ESRRG: variants seen among roughly 807,000 people sequenced by gnomAD.
ESRRG encodes the protein estrogen-related receptor gamma.
A neutral mutation model predicts 44.0 loss-of-function variants in ESRRG; 13 were observed. The ratio of observed to expected loss-of-function variants is 0.30; its 90% CI spans 0.19 to 0.47. The LOEUF is 0.47. ESRRG is among the 20% of genes least tolerant of loss of function. The probability of loss-of-function intolerance (pLI) is 1.00; values close to 1 mark genes in which losing one functional copy is unlikely to be tolerated. For synonymous variants in ESRRG, 215 were observed against 214.6 expected (o/e 1.00, Z -0.02); for missense variants, 395 against 580.6 (o/e 0.68, Z 3.29).
chr1:216,877,772 T>G (rs2096380881), intron 2 of ESRRG, among the ~76,000 whole-genome samples: 1 of 152,272 alleles, frequency 6.6e-6, no homozygotes, highest in Non-Finnish European at 1.5e-5. Flanking sequence ...TGTAATCCAT[T>G]ATGTTTCCTT....
At chr1:217,008,914 C>T (rs2078141021) in intron 1 of ESRRG, among the ~76,000 whole-genome samples, 1 of 152,162 alleles carries the variant, frequency 6.6e-6, no homozygotes. Context: ...ACTGAAGAAA[C>T]ACCATCTTGA....
At chr1:216,689,847 A>G (rs554054228) in intron 1 of ESRRG, among the ~76,000 whole-genome samples, 21 of 150,926 alleles carry the variant, frequency 1.4e-4, no homozygotes, top group African/African-American at 5.2e-4. Flanking sequence ...GCTAATTCTG[A>G]TATCTCTAAA....
intron 1 of ESRRG, among the ~76,000 whole-genome samples, chr1:217,037,960 C>T (rs1018740164): frequency 2.6e-5 from 4 of 152,194 alleles, no homozygotes; most frequent in Non-Finnish European, 4.4e-5. Context: ...ACATCCAGGT[C>T]ATGCTGATGC....
intron 5 of ESRRG, among the ~76,000 whole-genome samples, chr1:216,537,762 TC>T (rs2051426749): frequency 1.3e-5 from 2 of 152,048 alleles, no homozygotes; most frequent in Admixed American, 1.3e-4. Flanking sequence ...AACACATTAT[TC>T]TCTTTGCCAC....
intron 1 of ESRRG, among the ~76,000 whole-genome samples, chr1:216,987,247 C>T (rs936786557): frequency 1.3e-5 from 2 of 152,116 alleles, no homozygotes; most frequent in South Asian, 2.1e-4. Context: ...AGTTTGATAT[C>T]CTTTCTCTAA....
intron 1 of ESRRG, among the ~76,000 whole-genome samples, chr1:216,971,965 A>G (rs2071773412): frequency 6.6e-6 from 1 of 152,228 alleles, no homozygotes; most frequent in Non-Finnish European, 1.5e-5. Flanking sequence ...TTGATTTCTG[A>G]GAGATTCATA....
At chr1:217,018,780 T>A (rs907440156) in intron 1 of ESRRG, among the ~76,000 whole-genome samples, 7 of 152,184 alleles carry the variant, frequency 4.6e-5, no homozygotes, top group Non-Finnish European at 1.0e-4. Context: ...GTCCACCCTG[T>A]CCTTTCCACA....
intron 3 of ESRRG, among the ~76,000 whole-genome samples, chr1:216,575,908 C>G (rs1348562695): frequency 6.6e-6 from 1 of 152,076 alleles, no homozygotes. Context: ...CTCAAAAGGG[C>G]TAGGCGATTT....
At chr1:216,929,902 C>T (rs747052116) in intron 2 of ESRRG, among the ~76,000 whole-genome samples, 3 of 152,112 alleles carry the variant, frequency 2.0e-5, no homozygotes, top group South Asian at 2.1e-4. Context: ...TCAACCTCCC[C>T]ATGTTCTCAT....
intron 1 of ESRRG, among the ~76,000 whole-genome samples, chr1:216,959,051 T>C (rs2068514780): frequency 6.6e-6 from 1 of 152,108 alleles, no homozygotes; most frequent in East Asian, 1.9e-4. Context: ...TCCCTCTCTC[T>C]TTCCCTCCCT....
At chr1:216,547,711 C>T (rs2054989578) in intron 5 of ESRRG, among the ~76,000 whole-genome samples, 1 of 151,982 alleles carries the variant, frequency 6.6e-6, no homozygotes, top group Admixed American at 6.6e-5. Flanking sequence ...TGTTTTTGTA[C>T]ACATTAGTAG....
chr1:216,620,254 C>CTAATTCATACGATTTT (rs1163012399), intron 3 of ESRRG, among the ~76,000 whole-genome samples: 1 of 152,102 alleles, frequency 6.6e-6, no homozygotes, highest in Non-Finnish European at 1.5e-5. Context: ...AAAATCGTAT[C>CTAATTCATACGATTTT]TAATTCATAG....
intron 1 of ESRRG, among the ~76,000 whole-genome samples, chr1:217,005,453 AACTGTTGCTTGGCATAC>A (rs2077607065): frequency 6.6e-6 from 1 of 152,132 alleles, no homozygotes; most frequent in African/African-American, 2.4e-5. Context: ...TTTCAATCAC[AACTGTTGCTTGGCATAC>A]ACAGATAAGC....
intron 2 of ESRRG, among the ~76,000 whole-genome samples, chr1:216,656,495 C>G (rs1223168652): frequency 6.6e-6 from 1 of 152,128 alleles, no homozygotes; most frequent in East Asian, 1.9e-4. Context: ...ATATAATTTT[C>G]TCACTTACTG....
intron 2 of ESRRG, among the ~76,000 whole-genome samples, chr1:216,820,536 T>C (rs2095263638): frequency 6.6e-6 from 1 of 152,152 alleles, no homozygotes; most frequent in South Asian, 2.1e-4. Flanking sequence ...CAAATTCCCA[T>C]GCCAGTAAGC....
intron 5 of ESRRG, among the ~76,000 whole-genome samples, chr1:216,530,446 G>A (rs1320347294): frequency 6.6e-6 from 1 of 152,108 alleles, no homozygotes; most frequent in Admixed American, 6.6e-5. Context: ...AAAGTTCAAA[G>A]TTTTTCCTAA....
chr1:216,788,643 T>G (rs540185923), intron 2 of ESRRG, among the ~76,000 whole-genome samples: 1 of 152,272 alleles, frequency 6.6e-6, no homozygotes, highest in Admixed American at 6.5e-5. Context: ...ATTTCAACTT[T>G]CAGGTCATTA....
intron 2 of ESRRG, among the ~76,000 whole-genome samples, chr1:216,802,227 C>T (rs985097078): frequency 6.6e-6 from 1 of 151,794 alleles, no homozygotes; most frequent in Non-Finnish European, 1.5e-5. Flanking sequence ...CATATGGAGG[C>T]CAAGCAAGTT....
chr1:216,905,610 G>A (rs1373452700), intron 2 of ESRRG, among the ~76,000 whole-genome samples: 2 of 152,150 alleles, frequency 1.3e-5, no homozygotes, highest in Admixed American at 6.5e-5. Context: ...TGTGAGTGCT[G>A]GGGCTCTGTC....
Sources: allele counts gnomAD v4.1 joint callset (sites outside exome capture counted in the v4.1 genomes callset), GRCh38; gene constraint gnomAD v4.1.1; transcripts MANE v1.5; gene names NCBI Gene and HGNC (gene_info 2026-07-23, HGNC 2026-07-21).